Variants in DGLUCY observed in about 807,000 individuals in gnomAD.
The protein encoded by DGLUCY is D-glutamate cyclase, mitochondrial.
A neutral mutation model predicts 58.5 loss-of-function variants in DGLUCY; 58 were observed. The observed-to-expected ratio is 0.99, with a 90% confidence interval of 0.80 to 1.23. DGLUCY has a LOEUF of 1.23. DGLUCY is among the 50% of genes most tolerant of loss of function. The pLI is 0.00. For synonymous variants in DGLUCY, 325 were observed against 314.1 expected (o/e 1.03, Z -0.37); for missense variants, 779 against 784.7 (o/e 0.99, Z 0.09).
At chr14:91,129,012 G>C (rs1272857791) in intron 1 of DGLUCY, 1 of 152,090 alleles carries the variant, frequency 6.6e-6, no homozygotes, top group Non-Finnish European at 1.5e-5. Context: ...AAGGGGCTGG[G>C]CTCTCAGCAC....
At chr14:91,149,846 A>G (rs1460028347) in intron 1 of DGLUCY, among the ~76,000 whole-genome samples, 1 of 152,234 alleles carries the variant, frequency 6.6e-6, no homozygotes, top group Non-Finnish European at 1.5e-5. Context: ...GAGGTTCTCA[A>G]ATATTCTAGA....
At chr14:91,186,488 G>A (rs2049531665) in intron 8 of DGLUCY, among the ~76,000 whole-genome samples, 4 of 152,080 alleles carry the variant, frequency 2.6e-5, no homozygotes, top group African/African-American at 4.8e-5. Flanking sequence ...CATGGATCAG[G>A]TGATGGATCA....
At chr14:91,218,422 G>C (rs1323844548) in intron 13 of DGLUCY, among the ~76,000 whole-genome samples, 1 of 142,898 alleles carries the variant, frequency 7.0e-6, no homozygotes, top group Non-Finnish European at 1.5e-5. Context: ...TTTTTTTCTT[G>C]AGATGGAGTC....
At chr14:91,173,227 T>C in intron 5 of DGLUCY, 62 bp from the exon 6 acceptor site, 1 of 1,585,480 alleles carries the variant, frequency 6.3e-7, no homozygotes, top group East Asian at 2.2e-5. Context: ...TGCTCAGAGC[T>C]TGGATCTGTG....
intron 1 of DGLUCY, among the ~76,000 whole-genome samples, chr14:91,149,120 G>T (rs2047168845): frequency 6.6e-6 from 1 of 151,792 alleles, no homozygotes. Context: ...GGTGGCGCAT[G>T]CCTGTAATCC....
At chr14:91,200,332 G>A (rs550171847) in intron 11 of DGLUCY, among the ~76,000 whole-genome samples, 2 of 152,094 alleles carry the variant, frequency 1.3e-5, no homozygotes, top group East Asian at 1.9e-4. Context: ...CTGCAAAGAC[G>A]GTCTTTGTTC....
intron 1 of DGLUCY, among the ~76,000 whole-genome samples, chr14:91,081,047 C>G (rs999366979): frequency 2.0e-5 from 3 of 152,036 alleles, no homozygotes; most frequent in African/African-American, 7.2e-5. Flanking sequence ...ACTAAAAATA[C>G]AAAAAATTAG....
Position 91,160,286 on chromosome 14 carries a change from G to T in DGLUCY, c.-9G>T. 6.2e-7 allele frequency: 1 copy of T among 1,605,408 alleles called. No homozygotes were observed. The highest frequency in any genetic ancestry group is 8.5e-7 in the Non-Finnish European group (1 of 1,172,344). ...CCCAGATTCTCTGCTACTTATTCAA[G>T]TTGACACGATGCCCTTCACACTCCA... On this transcript the variant is annotated 5_prime_UTR_variant, in exon 3 of 14. Transcript: ENST00000256324.
chr14:91,173,382 C>T lies in DGLUCY; in HGVS notation c.550C>T (p.Arg184Trp), dbSNP rs1312941038. 36 of 1,611,498 alleles carry T rather than the reference C, an allele frequency of 2.2e-5. No individual in the cohort carries two copies. Among genetic ancestry groups the T allele is most frequent in the East Asian group, 4.5e-5 (2 of 44,870 alleles). Reference protein sequence around the residue: ...IPKDKLEGLVRACCSLGGEQG... With the variant: ...IPKDKLEGLVWACCSLGGEQG... ...CAAGGACAAGCTGGAAGGGCTGGTGCGGGCCTGCTGCTCCCTCGGAGGTGA... is the reference window on the plus strand; with the variant it reads ...CAAGGACAAGCTGGAAGGGCTGGTGTGGGCCTGCTGCTCCCTCGGAGGTGA... The change falls in exon 6 of 14, where the codon CGG becomes TGG. Residue 184 changes from arginine (R) to tryptophan (W), a missense_variant. By Grantham distance (101) the Arg-to-Trp change is moderately radical. Transcript: ENST00000256324.
chr14:91,062,392 C>A (rs1012693283), intron 1 of DGLUCY, among the ~76,000 whole-genome samples: 1 of 150,506 alleles, frequency 6.6e-6, no homozygotes, highest in African/African-American at 2.4e-5. Context: ...ACTAAAAATA[C>A]AAAAAATTAG....
At chr14:91,090,527 C>T (rs1382350535) in intron 1 of DGLUCY, among the ~76,000 whole-genome samples, 3 of 152,018 alleles carry the variant, frequency 2.0e-5, no homozygotes, top group Admixed American at 6.6e-5. Context: ...GGTTGGGCAG[C>T]GTTTGGTCAT....
intron 1 of DGLUCY, among the ~76,000 whole-genome samples, chr14:91,153,972 C>G (rs1294635599): frequency 6.6e-6 from 1 of 152,142 alleles, no homozygotes; most frequent in Non-Finnish European, 1.5e-5. Flanking sequence ...GTGGTGCGAT[C>G]TCGACTCACT....
At chr14:91,121,349 A>G (rs2140141572) in intron 1 of DGLUCY, among the ~76,000 whole-genome samples, 1 of 152,262 alleles carries the variant, frequency 6.6e-6, no homozygotes, top group South Asian at 2.1e-4. Context: ...AGCTTCTGAG[A>G]AGACCCTCCT....
chr14:91,094,051 T>C (rs1166982939), intron 1 of DGLUCY, among the ~76,000 whole-genome samples: 1 of 152,160 alleles, frequency 6.6e-6, no homozygotes, highest in East Asian at 1.9e-4. Flanking sequence ...CCCAACACTA[T>C]GCAGATACTT....
At chr14:91,149,690 G>A (rs114919062) in intron 1 of DGLUCY, among the ~76,000 whole-genome samples, 7 of 152,226 alleles carry the variant, frequency 4.6e-5, no homozygotes, top group South Asian at 4.1e-4. Context: ...AAGCAAACAC[G>A]TGTGCTCTAG....
chr14:91,069,836 A>G (rs564908352), intron 1 of DGLUCY, among the ~76,000 whole-genome samples: 1 of 137,282 alleles, frequency 7.3e-6, no homozygotes, highest in Non-Finnish European at 1.5e-5. Context: ...GCTGGAGTGC[A>G]GTTGTGCAAT....
At chr14:91,095,392 C>T (rs938237545) in intron 1 of DGLUCY, among the ~76,000 whole-genome samples, 6 of 152,292 alleles carry the variant, frequency 3.9e-5, no homozygotes, top group African/African-American at 7.2e-5. Flanking sequence ...TTGCCTGGCT[C>T]GCTTCCTGCC....
intron 12 of DGLUCY, among the ~76,000 whole-genome samples, chr14:91,213,773 C>T (rs1886091493): frequency 6.6e-6 from 1 of 151,990 alleles, no homozygotes; most frequent in Non-Finnish European, 1.5e-5. Flanking sequence ...GATCTTGGCT[C>T]ACTGCAACCT....
At position 91,087,171 on chromosome 14, in the gene DGLUCY, T is replaced by G. The variant is rs2044235819; in HGVS notation, c.-82+26467T>G. On this transcript the variant is annotated intron_variant, in intron 1 of 4. Coordinates refer to the DGLUCY transcript ENST00000521334. ...CTAAAAAAGCCGAGCCCCCCAAAAGTTCAAAGGACTCAACCAATATCTTAT... is the reference window on the plus strand; with the variant it reads ...CTAAAAAAGCCGAGCCCCCCAAAAGGTCAAAGGACTCAACCAATATCTTAT... Among the ~76,000 whole-genome samples the G allele has an allele frequency of 2.6e-5, 4 of 152,206 alleles. No individual in the cohort carries two copies. In the South Asian group the frequency reaches 8.3e-4, roughly 31 times the overall value.
Sources: gnomAD v4.1 joint callset for allele counts (sites outside exome capture counted in the v4.1 genomes callset) on GRCh38, gnomAD v4.1.1 for gene constraint, MANE v1.5 for transcripts, NCBI Gene and HGNC (gene_info 2026-07-23, HGNC 2026-07-21) for gene names.